The following MAP4K1 variants were observed in gnomAD, a reference collection of about 807,000 sequenced individuals.
MAP4K1 encodes the protein MAPK/ERK kinase kinase kinase 1.
In MAP4K1, 35 loss-of-function variants were observed where a neutral mutation model predicts 122.8. The ratio of observed to expected loss-of-function variants is 0.29; its 90% CI spans 0.22 to 0.38. The LOEUF is 0.38. MAP4K1 is among the 10% of genes least tolerant of loss of function. The probability of loss-of-function intolerance (pLI) is 1.00; values close to 1 mark genes in which losing one functional copy is unlikely to be tolerated. For synonymous variants in MAP4K1, 412 were observed against 421.3 expected (o/e 0.98, Z 0.27); for missense variants, 791 against 1,072.6 (o/e 0.74, Z 3.67).
chr19:38,601,327 A>G, intron 20 of MAP4K1, 114 bp downstream of exon 20: 2 of 919,644 alleles, frequency 2.2e-6, no homozygotes, highest in Non-Finnish European at 1.7e-6. Context: ...CCACACCCCA[A>G]CTCCATTAAG....
chr19:38,595,477 G>T lies in MAP4K1; in HGVS notation c.2340+8C>A. 6.2e-7 allele frequency: 1 copy of T among 1,613,944 alleles called. No homozygotes were observed. The highest frequency in any genetic ancestry group is 8.5e-7 in the Non-Finnish European group (1 of 1,179,952). On this transcript the variant is annotated splice_region_variant and intron_variant, in intron 29 of 30. Transcript: ENST00000396857. ...GCAGTGATGTGGAGTTTGGATGGAG[G>T]GGCTTACCTGATCCGAGCCTAGAGC... is the stretch of plus-strand genomic sequence containing the variant.
intron 19 of MAP4K1, among the ~76,000 whole-genome samples, chr19:38,603,296 A>G (rs557774187): frequency 1.7e-4 from 25 of 148,288 alleles, no homozygotes; most frequent in African/African-American, 5.1e-4. Flanking sequence ...ACACACACAC[A>G]TACATGTATA....
Position 38,612,746 on chromosome 19 carries a change from G to A in MAP4K1, c.534-4C>T. ...AGCTGCCACTTCCGGAGCCATCCTGGGGGCAGACACGCTCAGAGAGCCAGA... is the reference window on the plus strand; with the variant it reads ...AGCTGCCACTTCCGGAGCCATCCTGAGGGCAGACACGCTCAGAGAGCCAGA... On this transcript the variant is annotated splice_region_variant and splice_polypyrimidine_tract_variant and intron_variant, in intron 8 of 30. Transcript: ENST00000396857. 1 of 1,612,776 alleles carries A rather than the reference G, an allele frequency of 6.2e-7. No homozygotes were observed. The highest frequency in any genetic ancestry group is 8.5e-7 in the Non-Finnish European group (1 of 1,179,510).
At chr19:38,609,350 G>A (rs893145232) in intron 13 of MAP4K1, among the ~76,000 whole-genome samples, 2 of 152,090 alleles carry the variant, frequency 1.3e-5, no homozygotes, top group Admixed American at 6.6e-5. Context: ...ACCCAGGCTC[G>A]TCTTGACATC....
At chr19:38,595,827 G>A in intron 27 of MAP4K1, 98 bp from the exon 28 acceptor site, 2 of 1,495,132 alleles carry the variant, frequency 1.3e-6, no homozygotes, top group African/African-American at 2.8e-5. Flanking sequence ...TGTAGGACAG[G>A]GGCAAGGCCC....
intron 4 of MAP4K1, 85 bp from the exon 5 acceptor site, chr19:38,614,530 A>G: frequency 6.9e-7 from 1 of 1,451,340 alleles, no homozygotes; most frequent in Non-Finnish European, 9.6e-7. Context: ...CACACCAGCT[A>G]AGAGGGTGCC....
At chr19:38,600,321 C>T (rs184612812) in intron 20 of MAP4K1, among the ~76,000 whole-genome samples, 168 bp from the exon 21 acceptor site, 69 of 152,276 alleles carry the variant, frequency 4.5e-4, no homozygotes, top group Non-Finnish European at 7.3e-4. Context: ...CCAGAGCGGA[C>T]GGTCCCGCAA....
chr19:38,608,257 C>T (rs185709684), intron 13 of MAP4K1, 87 bp from the exon 14 acceptor site: 27 of 489,036 alleles, frequency 5.5e-5, no homozygotes, highest in African/African-American at 2.7e-4. Flanking sequence ...GTAGAATTGG[C>T]GGGGGGGTTG....
chr19:38,600,721 CTT>C (rs1002589122), intron 20 of MAP4K1, among the ~76,000 whole-genome samples: 1 of 151,840 alleles, frequency 6.6e-6, no homozygotes, highest in Non-Finnish European at 1.5e-5. Flanking sequence ...AAACTCTAAC[CTT>C]TTTGTTATAT....
At position 38,593,343 on chromosome 19, in the gene MAP4K1, GA is replaced by G. The variant is rs767461672; in HGVS notation, c.2341-7del. 2 of 1,606,428 alleles carry G rather than the reference GA, an allele frequency of 1.2e-6. No individual in the cohort carries two copies. Among genetic ancestry groups the G allele is most frequent in the Non-Finnish European group, 1.7e-6 (2 of 1,176,242 alleles). ...TCTCTCAGCTCCTGTAGCAGCTAGG[GA>G]AAAAAAGTGTGTGTCTCAGTGCCTG... is the stretch of plus-strand genomic sequence containing the variant. On this transcript the variant is annotated splice_polypyrimidine_tract_variant and splice_region_variant and intron_variant, in intron 29 of 30. Transcript: ENST00000396857.
intron 26 of MAP4K1, 96 bp downstream of exon 26, chr19:38,596,216 G>C: frequency 2.8e-6 from 4 of 1,447,684 alleles, no homozygotes; most frequent in Non-Finnish European, 3.7e-6. Flanking sequence ...CCCTTTCTCA[G>C]TCCCGTAGTG....
chr19:38,603,253 T>C (rs371218550), intron 19 of MAP4K1, among the ~76,000 whole-genome samples: 1 of 150,168 alleles, frequency 6.7e-6, no homozygotes, highest in Admixed American at 6.7e-5. Flanking sequence ...CACATGTACA[T>C]ATATACGCAT....
chr19:38,609,481 C>T, intron 13 of MAP4K1, 115 bp downstream of exon 13: 1 of 892,398 alleles, frequency 1.1e-6, no homozygotes, highest in Non-Finnish European at 1.8e-6. Context: ...TGTCTGGGGT[C>T]TCTTATAGGA....
intron 25 of MAP4K1, 152 bp downstream of exon 25, chr19:38,596,882 A>T (rs1466184161): frequency 9.8e-6 from 7 of 715,446 alleles, no homozygotes; most frequent in Admixed American, 7.2e-5. Flanking sequence ...ACGAGGCTCC[A>T]AGCGCAGACC....
At chr19:38,602,104 C>G (rs764171106) in intron 19 of MAP4K1, among the ~76,000 whole-genome samples, 80 of 151,952 alleles carry the variant, frequency 5.3e-4, no homozygotes, top group Non-Finnish European at 9.7e-4. Context: ...GAGATGGAGT[C>G]TCACTCTGTT....
In MAP4K1 at chr19:38,597,178, A is replaced by C; in HGVS notation, c.1838-41T>G. The C allele has an allele frequency of 6.9e-6, 11 of 1,605,588 alleles. No individual in the cohort carries two copies. Among genetic ancestry groups the C allele is most frequent in the Non-Finnish European group, 8.5e-6 (10 of 1,172,382 alleles). ...GGATGAGTCAAGATCAATGCCCTCT[A>C]TCCTCCTCGCCACCCACACTACCAC... On this transcript the variant is annotated intron_variant, in intron 24 of 30. Coordinates refer to ENST00000396857, the MANE Select transcript of MAP4K1 (RefSeq NM_001042600.3). The surrounding 1 kb of genome is among the most constrained non-coding windows in gnomAD (Gnocchi z 4.6).
chr19:38,610,685 C>T (rs1042001935), intron 11 of MAP4K1, among the ~76,000 whole-genome samples: 4 of 152,048 alleles, frequency 2.6e-5, no homozygotes, highest in Non-Finnish European at 4.4e-5. Context: ...CATGCCCAGC[C>T]GACCGGTGGG....
At chr19:38,610,371 AATTTTTTTT>A (rs1975460644) in intron 11 of MAP4K1, among the ~76,000 whole-genome samples, 3 of 117,594 alleles carry the variant, frequency 2.6e-5, no homozygotes. Context: ...ACGCCCAGCT[AATTTTTTTT>A]TTTTTTTTTT....
intron 19 of MAP4K1, among the ~76,000 whole-genome samples, chr19:38,602,639 C>T (rs1364881680): frequency 2.2e-5 from 3 of 137,120 alleles, no homozygotes; most frequent in Admixed American, 7.7e-5. Context: ...TATATACACA[C>T]CTATACATAT....
Sources: allele counts gnomAD v4.1 joint callset (sites outside exome capture counted in the v4.1 genomes callset), GRCh38; gene constraint gnomAD v4.1.1; non-coding constraint Gnocchi (gnomAD v3.1); transcripts MANE v1.5; gene names NCBI Gene and HGNC (gene_info 2026-07-23, HGNC 2026-07-21).